EYS: variants seen among roughly 807,000 people sequenced by gnomAD.
EYS encodes EGF-like photoreceptor maintenance factor.
Under a neutral mutation model 282.1 loss-of-function variants are expected in EYS, and 250 were observed. The observed-to-expected ratio is 0.89, with a 90% CI of 0.80 to 0.98. The LOEUF (loss-of-function observed/expected upper bound fraction) is 0.98, where lower values mean the gene tolerates loss of function less well. Ranked by LOEUF, EYS falls within the 50% of genes least tolerant of loss-of-function variation. EYS has a pLI of 0.00. For missense variants in EYS, 4,016 were observed against 3,709.0 expected, an observed-to-expected ratio of 1.08 and a Z score of -2.15; for synonymous variants, 1,355 against 1,282.9, an observed-to-expected ratio of 1.06 and a Z score of -1.20.
chr6:64,569,582 A>G (rs1198440886), intron 26 of EYS, among the ~76,000 whole-genome samples: 1 of 152,048 alleles, frequency 6.6e-6, no homozygotes, highest in African/African-American at 2.4e-5. Flanking sequence ...TCCACTAAAA[A>G]TACAAGAAAT....
At position 65,267,384 on chromosome 6, in the gene EYS, A is replaced by T. The variant is rs73443117; in HGVS notation, c.2023+28479T>A. ...TACTGTGAGACCATCACTTGACAAA[A>T]AAATCGATCATAGTCTGCCTCAACT... On this transcript the variant is annotated intron_variant, in intron 12 of 42. Transcript: ENST00000503581. 4.9e-3 allele frequency among the ~76,000 whole-genome samples: 750 copies of T among 152,026 alleles called. 5 individuals are homozygous for T. Among genetic ancestry groups the T allele is most frequent in the African/African-American group, 0.017 (702 of 41,530 alleles).
chr6:64,126,052 T>C (rs369125359), intron 31 of EYS, among the ~76,000 whole-genome samples: 1 of 152,072 alleles, frequency 6.6e-6, no homozygotes, highest in East Asian at 1.9e-4. Context: ...ACTTTTACAC[T>C]GTTGGTGGGA....
chr6:64,703,410 C>CACACACACACATAT (rs1447947508), intron 22 of EYS, among the ~76,000 whole-genome samples: 15 of 51,536 alleles, frequency 2.9e-4, no homozygotes, highest in East Asian at 8.1e-4. Flanking sequence ...CACACACACA[C>CACACACACACATAT]ATATATATAT....
At chr6:63,844,701 G>A (rs1386415952) in intron 36 of EYS, among the ~76,000 whole-genome samples, 1 of 151,796 alleles carries the variant, frequency 6.6e-6, no homozygotes, top group East Asian at 1.9e-4. Flanking sequence ...CTTTTTAATG[G>A]GGCTGTTTAT....
At chr6:64,841,516 T>C (rs893095103) in intron 19 of EYS, among the ~76,000 whole-genome samples, 1 of 152,240 alleles carries the variant, frequency 6.6e-6, no homozygotes, top group Admixed American at 6.5e-5. Context: ...CTAAAGGAGA[T>C]AGAATAGTTC....
chr6:64,777,923 A>C (rs1221612630), intron 22 of EYS, among the ~76,000 whole-genome samples: 1 of 152,172 alleles, frequency 6.6e-6, no homozygotes, highest in African/African-American at 2.4e-5. Flanking sequence ...ATATTAATTA[A>C]GAATATGAAT....
chr6:64,047,193 A>C (rs1001392540), intron 33 of EYS, among the ~76,000 whole-genome samples: 3 of 151,278 alleles, frequency 2.0e-5, no homozygotes, highest in Admixed American at 1.3e-4. Context: ...AAAAAAAAAC[A>C]AGATAAAATT....
At chr6:63,877,266 A>C (rs1358865327) in intron 35 of EYS, among the ~76,000 whole-genome samples, 1 of 152,186 alleles carries the variant, frequency 6.6e-6, no homozygotes. Flanking sequence ...TGGGTTGAAC[A>C]TTCTTTTCCT....
chr6:64,685,916 A>C (rs553124278), intron 22 of EYS, among the ~76,000 whole-genome samples: 7 of 152,264 alleles, frequency 4.6e-5, no homozygotes, highest in African/African-American at 1.7e-4. Context: ...TATCTCAGTA[A>C]ATTGTAAGAG....
intron 31 of EYS, among the ~76,000 whole-genome samples, chr6:64,111,061 C>T (rs1582283754): frequency 1.3e-5 from 2 of 152,046 alleles, no homozygotes; most frequent in African/African-American, 4.8e-5. Context: ...TAAATGCTGT[C>T]ACAAGGGCCT....
chr6:63,951,356 A>G (rs1283752293), intron 35 of EYS, among the ~76,000 whole-genome samples: 1 of 152,010 alleles, frequency 6.6e-6, no homozygotes, highest in Non-Finnish European at 1.5e-5. Context: ...TTGTTGTAAA[A>G]TGGACAAATG....
chr6:64,694,824 A>T (rs9351368), intron 22 of EYS, among the ~76,000 whole-genome samples: 1 of 151,828 alleles, frequency 6.6e-6, no homozygotes, highest in African/African-American at 2.4e-5. Context: ...CAGGCAGCAA[A>T]TTTTTTGGCC....
At chr6:65,465,053 T>C (rs1216363752) in intron 5 of EYS, among the ~76,000 whole-genome samples, 1 of 152,132 alleles carries the variant, frequency 6.6e-6, no homozygotes, top group African/African-American at 2.4e-5. Flanking sequence ...TGAAATAAAA[T>C]ATAATTTAGA....
chr6:64,288,742 C>T (rs1411026502), intron 30 of EYS, among the ~76,000 whole-genome samples: 1 of 152,020 alleles, frequency 6.6e-6, no homozygotes, highest in Non-Finnish European at 1.5e-5. Context: ...AAATTTGCTC[C>T]TCTTTTGGTG....
At chr6:65,515,483 C>T (rs1562234993) in intron 2 of EYS, among the ~76,000 whole-genome samples, 2 of 151,042 alleles carry the variant, frequency 1.3e-5, no homozygotes, top group African/African-American at 2.4e-5. Flanking sequence ...TATAAAGACA[C>T]ATGCACACGT....
At chr6:64,398,514 A>C (rs1045982174) in intron 28 of EYS, among the ~76,000 whole-genome samples, 4 of 151,948 alleles carry the variant, frequency 2.6e-5, no homozygotes, top group Non-Finnish European at 5.9e-5. Flanking sequence ...TTACACACAC[A>C]CACACACACA....
intron 5 of EYS, among the ~76,000 whole-genome samples, chr6:65,474,873 G>A (rs567754224): frequency 6.6e-6 from 1 of 152,066 alleles, no homozygotes; most frequent in Non-Finnish European, 1.5e-5. Context: ...AGAACTGGAA[G>A]TGAACGACAG....
At chr6:64,595,563 T>G (rs1326394712) in intron 24 of EYS, among the ~76,000 whole-genome samples, 1 of 152,120 alleles carries the variant, frequency 6.6e-6, no homozygotes, top group East Asian at 1.9e-4. Context: ...CAAAATCTCT[T>G]AGAGCTGATG....
chr6:65,098,991 T>C (rs1448212193), intron 12 of EYS, among the ~76,000 whole-genome samples: 3 of 150,676 alleles, frequency 2.0e-5, no homozygotes, highest in Non-Finnish European at 4.5e-5. Flanking sequence ...AGCTAAGCCA[T>C]TTGCAATGTA....
Sources: allele counts gnomAD v4.1 joint callset (sites outside exome capture counted in the v4.1 genomes callset), GRCh38; gene constraint gnomAD v4.1.1; transcripts MANE v1.5; gene names NCBI Gene and HGNC (gene_info 2026-07-23, HGNC 2026-07-21).